Variants in TMEM132C observed in about 807,000 individuals in gnomAD.
The protein encoded by TMEM132C is transmembrane protein 132C, also known as protein phosphatase 1, regulatory subunit 152.
In TMEM132C, 29 loss-of-function variants were observed where a neutral mutation model predicts 61.4. The observed-to-expected ratio is 0.47, with a 90% CI of 0.35 to 0.64. The LOEUF is 0.64. TMEM132C is among the 30% of genes least tolerant of loss of function. The probability of loss-of-function intolerance (pLI) is 0.00; values close to 1 mark genes in which losing one functional copy is unlikely to be tolerated. For missense variants in TMEM132C, 1,408 were observed against 1,476.9 expected, an observed-to-expected ratio of 0.95 and a Z score of 0.76; for synonymous variants, 656 against 633.1, an observed-to-expected ratio of 1.04 and a Z score of -0.54.
At chr12:128,388,488 C>T (rs1874659116) in intron 1 of TMEM132C, among the ~76,000 whole-genome samples, 2 of 152,350 alleles carry the variant, frequency 1.3e-5, no homozygotes, top group African/African-American at 2.4e-5. Flanking sequence ...ATTCTTTTAA[C>T]TGCTGTGTGT....
At chr12:128,359,712 G>A (rs1242121834) in intron 1 of TMEM132C, among the ~76,000 whole-genome samples, 1 of 152,148 alleles carries the variant, frequency 6.6e-6, no homozygotes, top group African/African-American at 2.4e-5. Flanking sequence ...CTCAGACACT[G>A]TGAGTGTGGC....
rs1954509463 is a variant in TMEM132C, at chr12:128,669,479, G to A, written c.1368G>A (p.Val456=). Residue 456 remains valine (V), a synonymous_variant, in exon 5 of 9, where the codon GTG becomes GTA. Coordinates refer to ENST00000435159, the MANE Select transcript of TMEM132C (RefSeq NM_001136103.3). ...AGACAGTTGCCATGCCTATCAAGGT[G>A]GTCTCTGTGGAGGAGAACAGTGCCG... The part of the protein sequence containing the change: ...TGKTVAMPIK[V]VSVEENSAVM... 6.4e-7 allele frequency: 1 copy of A among 1,551,672 alleles called. No homozygotes were observed. The highest frequency in any genetic ancestry group is 1.4e-5 in the African/African-American group (1 of 73,170).
intron 5 of TMEM132C, among the ~76,000 whole-genome samples, chr12:128,684,427 C>T (rs1030302509): frequency 2.0e-5 from 3 of 152,188 alleles, no homozygotes; most frequent in Admixed American, 6.5e-5. Flanking sequence ...GAAAGTATGA[C>T]TTTCTCTGGT....
intron 1 of TMEM132C, among the ~76,000 whole-genome samples, chr12:128,372,271 C>G (rs903257160): frequency 1.3e-5 from 2 of 152,172 alleles, no homozygotes; most frequent in African/African-American, 4.8e-5. Flanking sequence ...AGATCCTTAC[C>G]TTTAAAATTA....
chr12:128,706,070 G>T lies in TMEM132C; in HGVS notation c.3102G>T (p.Arg1034=), dbSNP rs1476254630. Residue 1034 remains arginine (R), a synonymous_variant, in exon 9 of 9, where the codon CGG becomes CGT. Transcript: ENST00000435159. ...QIHRSADSGG[R]QGREQKQDPL... is the part of the protein sequence containing the mutation. ...ACAGGTCAGCCGACTCCGGGGGGCG[G>T]CAGGGCAGAGAACAGAAGCAGGACC... 1.9e-6 allele frequency: 3 copies of T among 1,551,662 alleles called. No homozygotes were observed. Among genetic ancestry groups the T allele is most frequent in the Admixed American group, 2.0e-5 (1 of 50,994 alleles).
chr12:128,703,305 C>T (rs1954815805), intron 8 of TMEM132C, among the ~76,000 whole-genome samples: 1 of 141,438 alleles, frequency 7.1e-6, no homozygotes, highest in Admixed American at 6.9e-5. Context: ...TCCCACCCTC[C>T]ACCCTCCAAT....
rs1455369387 is a variant in TMEM132C, at chr12:128,706,986, A to G, written c.*691A>G. The G allele has an allele frequency of 6.6e-6, 1 of 152,214 alleles. No individual in the cohort carries two copies. 9.4% of individuals were successfully genotyped at this position (152,214 alleles called of 1,614,324 possible). A position where few individuals can be genotyped will look rare whatever the true frequency, so the allele number is the denominator to read the frequency against. ...TAAATGAAACATAAATTATATTCCT[A>G]TTCATTAGATAGGTTCCTAGGAACA... On this transcript the variant is annotated 3_prime_UTR_variant, in exon 9 of 9. Coordinates refer to ENST00000435159, the MANE Select transcript of TMEM132C (RefSeq NM_001136103.3).
intron 4 of TMEM132C, among the ~76,000 whole-genome samples, chr12:128,647,593 T>C (rs1954218500): frequency 6.6e-6 from 1 of 152,024 alleles, no homozygotes; most frequent in Admixed American, 6.5e-5. Flanking sequence ...TGTGAGTGTG[T>C]TTACTAGAGT....
intron 1 of TMEM132C, among the ~76,000 whole-genome samples, chr12:128,296,756 G>A (rs930980633): frequency 2.0e-5 from 3 of 152,092 alleles, no homozygotes; most frequent in African/African-American, 4.8e-5. Context: ...TCAAGAGTAG[G>A]CAAGAAATTC....
At chr12:128,297,877 T>C (rs577910553) in intron 1 of TMEM132C, among the ~76,000 whole-genome samples, 1 of 152,162 alleles carries the variant, frequency 6.6e-6, no homozygotes, top group Non-Finnish European at 1.5e-5. Flanking sequence ...ACAATTAAAA[T>C]AGTACTTAGC....
chr12:128,405,113 T>C (rs145341653), intron 1 of TMEM132C, among the ~76,000 whole-genome samples: 4 of 152,240 alleles, frequency 2.6e-5, no homozygotes, highest in East Asian at 1.9e-4. Flanking sequence ...TCAATTATCC[T>C]ATCTTTCTGG....
chr12:128,685,700 CCT>C (rs1200279317), intron 5 of TMEM132C, among the ~76,000 whole-genome samples: 2 of 152,172 alleles, frequency 1.3e-5, no homozygotes, highest in African/African-American at 4.8e-5. Context: ...GGCGGGCCTC[CCT>C]GAGTGCAGAG....
intron 2 of TMEM132C, among the ~76,000 whole-genome samples, chr12:128,441,790 T>C (rs1372401415): frequency 1.3e-5 from 2 of 152,194 alleles, no homozygotes; most frequent in African/African-American, 4.8e-5. Flanking sequence ...AGGTCAGGAG[T>C]TCGAGACCAG....
intron 4 of TMEM132C, among the ~76,000 whole-genome samples, chr12:128,639,353 TGAA>T (rs1470921904): frequency 2.5e-4 from 38 of 152,096 alleles, no homozygotes; most frequent in African/African-American, 8.7e-4. Context: ...GTATTGGTGA[TGAA>T]GATGATGATG....
chr12:128,561,756 G>C (rs921081740), intron 3 of TMEM132C, among the ~76,000 whole-genome samples: 4 of 152,040 alleles, frequency 2.6e-5, no homozygotes, highest in Non-Finnish European at 4.4e-5. Flanking sequence ...AAGAGACTTT[G>C]TTTAAAGTGG....
intron 2 of TMEM132C, among the ~76,000 whole-genome samples, chr12:128,477,665 C>T (rs577702346): frequency 3.5e-4 from 53 of 152,236 alleles, no homozygotes; most frequent in Non-Finnish European, 6.2e-4. Flanking sequence ...CTGCAAACTC[C>T]GCCTCTCAGG....
chr12:128,399,159 A>C (rs1399903670), intron 1 of TMEM132C, among the ~76,000 whole-genome samples: 3 of 152,190 alleles, frequency 2.0e-5, no homozygotes, highest in Non-Finnish European at 2.9e-5. Flanking sequence ...TGAAACTCAC[A>C]TGTGGGGGAA....
At chr12:128,695,558 TTAAAA>T (rs1460720475) in intron 6 of TMEM132C, among the ~76,000 whole-genome samples, 1 of 152,190 alleles carries the variant, frequency 6.6e-6, no homozygotes, top group Non-Finnish European at 1.5e-5. Flanking sequence ...TTAATAAAAA[TTAAAA>T]TAGCCACATG....
At chr12:128,571,585 G>T (rs1410208454) in intron 3 of TMEM132C, among the ~76,000 whole-genome samples, 1 of 152,118 alleles carries the variant, frequency 6.6e-6, no homozygotes, top group Non-Finnish European at 1.5e-5. Context: ...CCTGGTAATG[G>T]TTCTATTTTC....
Sources: gnomAD v4.1 joint callset for allele counts (sites outside exome capture counted in the v4.1 genomes callset) on GRCh38, gnomAD v4.1.1 for gene constraint, MANE v1.5 for transcripts, NCBI Gene and HGNC (gene_info 2026-07-23, HGNC 2026-07-21) for gene names.